The following DLG2 variants were observed in gnomAD, a reference collection of about 807,000 sequenced individuals.
The protein encoded by DLG2 is disks large homolog 2.
DLG2 carries 45 observed loss-of-function variants against 132.5 expected under a neutral mutation model. The observed-to-expected ratio is 0.34, with a 90% CI of 0.27 to 0.44. DLG2 has a LOEUF of 0.44. Among genes scored for constraint, DLG2 ranks in the 20% least tolerant of loss-of-function variants. The probability of loss-of-function intolerance (pLI) is 1.00; values close to 1 mark genes in which losing one functional copy is unlikely to be tolerated. For missense variants in DLG2, 1,045 were observed against 1,196.9 expected, an observed-to-expected ratio of 0.87 and a Z score of 1.87; for synonymous variants, 424 against 419.6, an observed-to-expected ratio of 1.01 and a Z score of -0.13.
At chr11:83,924,214 G>GAT (rs1220088821) in intron 15 of DLG2, among the ~76,000 whole-genome samples, 1 of 152,072 alleles carries the variant, frequency 6.6e-6, no homozygotes, top group African/African-American at 2.4e-5. Flanking sequence ...TTCTATTAGA[G>GAT]ATTAGTTTTG....
intron 5 of DLG2, among the ~76,000 whole-genome samples, chr11:85,137,639 C>T (rs1052996360): frequency 7.2e-5 from 11 of 152,118 alleles, no homozygotes; most frequent in East Asian, 3.8e-4. Context: ...CTGACACCTT[C>T]CATAGCTTAT....
At chr11:84,655,158 G>A (rs1284172212) in intron 6 of DLG2, among the ~76,000 whole-genome samples, 1 of 152,030 alleles carries the variant, frequency 6.6e-6, no homozygotes, top group Non-Finnish European at 1.5e-5. Flanking sequence ...CCTGTGTATT[G>A]TACCCATCAT....
At chr11:85,161,216 G>C (rs1051195625) in intron 4 of DLG2, among the ~76,000 whole-genome samples, 1 of 152,242 alleles carries the variant, frequency 6.6e-6, no homozygotes, top group African/African-American at 2.4e-5. Context: ...AGGATGACCT[G>C]TTCTGTGGAC....
In DLG2 at chr11:85,184,917, A is replaced by G. The variant is rs999480964; in HGVS notation, c.187-30266T>C. Among the ~76,000 whole-genome samples the G allele has an allele frequency of 2.0e-5, 3 of 152,116 alleles. No homozygotes were observed. The South Asian group carries it at 6.2e-4, about 31-fold the overall frequency. ...AAAAATGACACAAGAGAACAAATGT[A>G]TCAAGTTGTTATGGCAACTGGGGAA... On this transcript the variant is annotated intron_variant, in intron 4 of 27. Transcript: ENST00000376104.
At chr11:85,431,697 C>A (rs879571399) in intron 3 of DLG2, among the ~76,000 whole-genome samples, 1 of 152,206 alleles carries the variant, frequency 6.6e-6, no homozygotes, top group Non-Finnish European at 1.5e-5. Flanking sequence ...GGGAGTGGTG[C>A]CACAGTCTCC....
chr11:84,492,773 G>C (rs987890037), intron 7 of DLG2, among the ~76,000 whole-genome samples: 1 of 152,084 alleles, frequency 6.6e-6, no homozygotes, highest in Non-Finnish European at 1.5e-5. Flanking sequence ...AAGAAGTGTA[G>C]CAGGCTTGGA....
chr11:84,075,297 A>C (rs1031752889), intron 10 of DLG2, among the ~76,000 whole-genome samples: 1 of 152,208 alleles, frequency 6.6e-6, no homozygotes, highest in African/African-American at 2.4e-5. Context: ...CAACAGACAG[A>C]AAATATATTT....
intron 7 of DLG2, among the ~76,000 whole-genome samples, chr11:84,488,418 CT>C (rs1371298499): frequency 1.3e-5 from 2 of 152,110 alleles, no homozygotes; most frequent in African/African-American, 4.8e-5. Flanking sequence ...TCAAAGTCAT[CT>C]TGCTGCATGG....
In DLG2 at chr11:84,242,224, G is replaced by A. The variant is rs143651736; in HGVS notation, c.573+9014C>T. ...ATCCAAAATGACAAGCCTAAGTAAG[G>A]GCTTCCCAGTAAATGAGAAGCTATG... On this transcript the variant is annotated intron_variant, in intron 8 of 27. Transcript: ENST00000376104. 8.1e-3 allele frequency among the ~76,000 whole-genome samples: 1,228 copies of A among 152,146 alleles called. 14 individuals carry two copies. The highest frequency in any genetic ancestry group is 0.011 in the Non-Finnish European group (716 of 68,000).
chr11:83,888,549 C>T (rs1344228337), intron 15 of DLG2, among the ~76,000 whole-genome samples: 1 of 152,096 alleles, frequency 6.6e-6, no homozygotes, highest in Non-Finnish European at 1.5e-5. Context: ...AGATTCAATG[C>T]CATCCCCATC....
chr11:84,217,664 C>G (rs539595236), intron 8 of DLG2, among the ~76,000 whole-genome samples: 24 of 152,262 alleles, frequency 1.6e-4, no homozygotes, highest in African/African-American at 5.3e-4. Flanking sequence ...AAATTTCAGG[C>G]GTGTTAACTT....
chr11:85,206,722 A>G (rs1359515580), intron 4 of DLG2, among the ~76,000 whole-genome samples: 1 of 151,994 alleles, frequency 6.6e-6, no homozygotes, highest in Non-Finnish European at 1.5e-5. Context: ...AATCCCATCT[A>G]CTTGGGAGGC....
chr11:85,139,373 A>T (rs2076319219), intron 5 of DLG2, among the ~76,000 whole-genome samples: 1 of 152,140 alleles, frequency 6.6e-6, no homozygotes, highest in South Asian at 2.1e-4. Flanking sequence ...CAGCAGTCCA[A>T]CATGAAATTT....
chr11:85,064,922 C>A (rs1468919001), intron 6 of DLG2, among the ~76,000 whole-genome samples: 1 of 151,540 alleles, frequency 6.6e-6, no homozygotes, highest in African/African-American at 2.4e-5. Flanking sequence ...CCTTCCCCAC[C>A]CCACGTTTGA....
chr11:83,651,846 A>G (rs576434463), intron 18 of DLG2: 42 of 471,068 alleles, frequency 8.9e-5, no homozygotes, highest in Non-Finnish European at 1.8e-4. Context: ...TACCTGGCTC[A>G]GAGCTACGAA....
intron 12 of DLG2, among the ~76,000 whole-genome samples, chr11:83,970,855 A>C (rs1284629235): frequency 6.6e-6 from 1 of 152,208 alleles, no homozygotes; most frequent in Non-Finnish European, 1.5e-5. Context: ...TGATGAGTTT[A>C]ATTAGGGTGC....
At chr11:84,647,959 C>G (rs1289851249) in intron 6 of DLG2, among the ~76,000 whole-genome samples, 4 of 152,274 alleles carry the variant, frequency 2.6e-5, no homozygotes, top group South Asian at 2.1e-4. Flanking sequence ...ACTTAGCATA[C>G]TTCAATTCAT....
At chr11:85,331,930 A>C (rs1199632448) in intron 3 of DLG2, among the ~76,000 whole-genome samples, 1 of 152,192 alleles carries the variant, frequency 6.6e-6, no homozygotes, top group Non-Finnish European at 1.5e-5. Flanking sequence ...TAAACATACA[A>C]GTACATATGT....
chr11:84,779,050 A>G (rs2071211806), intron 6 of DLG2, among the ~76,000 whole-genome samples: 1 of 152,004 alleles, frequency 6.6e-6, no homozygotes, highest in South Asian at 2.1e-4. Flanking sequence ...CGGCTTCCCT[A>G]CTTTTGAGGT....
Sources: gnomAD v4.1 joint callset for allele counts (sites outside exome capture counted in the v4.1 genomes callset) on GRCh38, gnomAD v4.1.1 for gene constraint, MANE v1.5 for transcripts, NCBI Gene and HGNC (gene_info 2026-07-23, HGNC 2026-07-21) for gene names.